LHFPL3: variants seen among roughly 807,000 people sequenced by gnomAD.
LHFPL3 encodes the protein LHFPL tetraspan subfamily member 3 protein.
In LHFPL3, 5 loss-of-function variants were observed where a neutral mutation model predicts 19.3. The observed-to-expected ratio is 0.26, with a 90% CI of 0.14 to 0.54. LHFPL3 has a LOEUF of 0.54. Among genes scored for constraint, LHFPL3 ranks in the 20% least tolerant of loss-of-function variants. The pLI is 0.94. For synonymous variants in LHFPL3, 133 were observed against 126.2 expected, an observed-to-expected ratio of 1.05 and a Z score of -0.36; for missense variants, 249 against 307.4, an observed-to-expected ratio of 0.81 and a Z score of 1.42.
intron 1 of LHFPL3, among the ~76,000 whole-genome samples, chr7:104,665,778 A>G (rs1792322323): frequency 6.6e-6 from 1 of 152,192 alleles, no homozygotes; most frequent in South Asian, 2.1e-4. Flanking sequence ...GAGGAAATTG[A>G]CCTGTTTTGT....
At position 104,728,183 on chromosome 7, in the gene LHFPL3, C is replaced by A. The variant is rs78457340; in HGVS notation, c.446-8492C>A. On this transcript the variant is annotated intron_variant, in intron 1 of 2. Transcript: ENST00000424859. ...CAGGCAGTCTTTCTACTTGTCACCC[C>A]TCTTGGTCTCTGTCTCCTCCAGACC... Among the ~76,000 whole-genome samples, 696 of 152,280 alleles carry A rather than the reference C, an allele frequency of 4.6e-3. 30 individuals are homozygous for A. In the East Asian group the frequency reaches 0.1, roughly 22 times the overall value.
At chr7:104,810,058 A>G (rs755720391) in intron 2 of LHFPL3, among the ~76,000 whole-genome samples, 22 of 152,234 alleles carry the variant, frequency 1.4e-4, no homozygotes, top group Non-Finnish European at 2.1e-4. Flanking sequence ...TAAAATCTGA[A>G]GGAGTAAGCC....
intron 2 of LHFPL3, among the ~76,000 whole-genome samples, chr7:104,861,075 G>A (rs911668368): frequency 9.9e-5 from 15 of 152,068 alleles, no homozygotes; most frequent in South Asian, 4.1e-4. Flanking sequence ...AGAGAGAGCC[G>A]GTGAATTCTC....
intron 1 of LHFPL3, among the ~76,000 whole-genome samples, chr7:104,660,217 G>A (rs1022819441): frequency 3.9e-5 from 6 of 152,178 alleles, no homozygotes; most frequent in African/African-American, 1.4e-4. Flanking sequence ...TAGCCAGGAT[G>A]GTCTCGATCT....
intron 1 of LHFPL3, among the ~76,000 whole-genome samples, chr7:104,685,248 G>A (rs1267631214): frequency 1.3e-5 from 2 of 152,210 alleles, no homozygotes; most frequent in Non-Finnish European, 2.9e-5. Context: ...TCAGGAGGCT[G>A]AAGCAGGAGA....
At chr7:104,553,163 T>C (rs1224068451) in intron 1 of LHFPL3, among the ~76,000 whole-genome samples, 1 of 152,298 alleles carries the variant, frequency 6.6e-6, no homozygotes, top group African/African-American at 2.4e-5. Flanking sequence ...ATCTTGAATC[T>C]AAAATAAGAA....
At chr7:104,837,611 A>AACTT (rs770855934) in intron 2 of LHFPL3, among the ~76,000 whole-genome samples, 11 of 152,164 alleles carry the variant, frequency 7.2e-5, no homozygotes, top group Non-Finnish European at 1.6e-4. Flanking sequence ...AGAAAGCACC[A>AACTT]ACTTTATTTT....
intron 1 of LHFPL3, among the ~76,000 whole-genome samples, chr7:104,385,214 G>A (rs528733802): frequency 1.3e-5 from 2 of 152,212 alleles, no homozygotes; most frequent in Admixed American, 1.3e-4. Flanking sequence ...TTAAACATTT[G>A]AATTTTGTAA....
At chr7:104,821,040 G>C (rs2465065) in intron 2 of LHFPL3, among the ~76,000 whole-genome samples, 122,282 of 152,102 alleles carry the variant, frequency 0.8, 49,605 homozygotes, top group South Asian at 0.86. Flanking sequence ...CCAAAGTCAC[G>C]CCTGTACTGC....
chr7:104,737,625 C>G (rs1793854274), intron 2 of LHFPL3, among the ~76,000 whole-genome samples: 1 of 152,140 alleles, frequency 6.6e-6, no homozygotes, highest in Non-Finnish European at 1.5e-5. Flanking sequence ...GAAGATGAAT[C>G]TTTTAATTTT....
intron 2 of LHFPL3, among the ~76,000 whole-genome samples, chr7:104,874,477 C>T (rs921856055): frequency 2.0e-5 from 3 of 151,640 alleles, no homozygotes; most frequent in Admixed American, 2.0e-4. Context: ...TCACTGCAAC[C>T]TCCGTCTCCA....
chr7:104,822,811 AAAGT>A (rs2116527996), intron 2 of LHFPL3, among the ~76,000 whole-genome samples: 1 of 152,128 alleles, frequency 6.6e-6, no homozygotes, highest in East Asian at 1.9e-4. Context: ...TTGGAGGATA[AAAGT>A]AAGGGTAGAA....
At chr7:104,696,857 C>G (rs1793005404) in intron 1 of LHFPL3, among the ~76,000 whole-genome samples, 1 of 152,126 alleles carries the variant, frequency 6.6e-6, no homozygotes, top group Non-Finnish European at 1.5e-5. Context: ...TCCATTTGGG[C>G]TGCTTAGTCC....
chr7:104,789,715 T>C (rs377635201), intron 2 of LHFPL3, among the ~76,000 whole-genome samples: 23 of 152,244 alleles, frequency 1.5e-4, no homozygotes, highest in African/African-American at 5.3e-4. Flanking sequence ...TAGCCATCCA[T>C]TCATAAACTA....
chr7:104,594,169 G>C (rs185760417), intron 1 of LHFPL3, among the ~76,000 whole-genome samples: 1 of 152,316 alleles, frequency 6.6e-6, no homozygotes, highest in Admixed American at 6.5e-5. Context: ...TGCAGTGGCT[G>C]GTACTGGTTG....
At chr7:104,414,543 T>G (rs527247430) in intron 1 of LHFPL3, among the ~76,000 whole-genome samples, 1 of 152,250 alleles carries the variant, frequency 6.6e-6, no homozygotes, top group African/African-American at 2.4e-5. Flanking sequence ...GGAGACACTT[T>G]GTGCAATCAA....
At position 104,821,330 on chromosome 7, in the gene LHFPL3, G is replaced by A. The variant is rs4072684; in HGVS notation, c.682+84419G>A. On this transcript the variant is annotated intron_variant, in intron 2 of 2. Transcript: ENST00000424859. ...ACAGCATCCTCCTCGTGGGTGGCAG[G>A]GGCTGTGTCTGCCTCTGCTGAGGAG... is the stretch of plus-strand genomic sequence containing the variant. 6.1e-3 allele frequency among the ~76,000 whole-genome samples: 923 copies of A among 152,256 alleles called. 7 individuals carry two copies. The highest frequency in any genetic ancestry group is 0.021 in the African/African-American group (883 of 41,526).
In LHFPL3 at chr7:104,800,523, C is replaced by A. The variant is rs543522182; in HGVS notation, c.682+63612C>A. 2.0e-5 allele frequency among the ~76,000 whole-genome samples: 3 copies of A among 152,294 alleles called. No homozygotes were observed. The South Asian group carries it at 6.2e-4, about 32-fold the overall frequency. ...AAACACCCACAACCAGTAACTCTGG[C>A]CACAATCCCTCTTGATCTCCAAACC... On this transcript the variant is annotated intron_variant, in intron 2 of 2. Coordinates refer to ENST00000424859, the MANE Select transcript of LHFPL3 (RefSeq NM_199000.3).
chr7:104,828,615 A>C (rs1415972566), intron 2 of LHFPL3, among the ~76,000 whole-genome samples: 1 of 151,918 alleles, frequency 6.6e-6, no homozygotes, highest in Non-Finnish European at 1.5e-5. Context: ...CCTCTTAGGA[A>C]AGCACCGCCA....
Sources: allele counts gnomAD v4.1 joint callset (sites outside exome capture counted in the v4.1 genomes callset), GRCh38; gene constraint gnomAD v4.1.1; transcripts MANE v1.5; gene names NCBI Gene and HGNC (gene_info 2026-07-23, HGNC 2026-07-21).